The following RBFOX1 variants were observed in gnomAD, a reference collection of about 807,000 sequenced individuals.
The protein encoded by RBFOX1 is RNA binding fox-1 homolog 1, also known as RNA binding protein fox-1 homolog 1.
A neutral mutation model predicts 57.7 loss-of-function variants in RBFOX1; 8 were observed. The observed-to-expected ratio is 0.14, with a 90% CI of 0.08 to 0.25. The LOEUF is 0.25. Among genes scored for constraint, RBFOX1 ranks in the 10% least tolerant of loss-of-function variants. The pLI is 1.00. For synonymous variants in RBFOX1, 326 were observed against 222.4 expected, an observed-to-expected ratio of 1.47 and a Z score of -4.15; for missense variants, 611 against 548.5, an observed-to-expected ratio of 1.11 and a Z score of -1.14.
At chr16:6,169,796 C>G (rs2096944798) in intron 1 of RBFOX1, among the ~76,000 whole-genome samples, 2 of 151,984 alleles carry the variant, frequency 1.3e-5, no homozygotes, top group African/African-American at 4.8e-5. Flanking sequence ...GTGGAGTCTC[C>G]CTCTATCACC....
In RBFOX1 at chr16:5,917,194, C is replaced by T. The variant is rs1463554419; in HGVS notation, c.351+49859C>T. ...ATGCCAGGCTGTTTTTCACTCCCAG[C>T]GCCCGTGCTTTGAATCCACACCCCA... On this transcript the variant is annotated intron_variant, in intron 4 of 19. Transcript: ENST00000641259. Among the ~76,000 whole-genome samples, 13 of 152,272 alleles carry T rather than the reference C, an allele frequency of 8.5e-5. No homozygotes were observed. In the East Asian group the frequency reaches 1.4e-3, roughly 16 times the overall value.
chr16:5,359,029 T>C (rs951474363), intron 1 of RBFOX1, among the ~76,000 whole-genome samples: 4 of 152,214 alleles, frequency 2.6e-5, no homozygotes, highest in African/African-American at 7.2e-5. Context: ...ATTGTTTTGA[T>C]GTTTATATCC....
At chr16:6,344,403 TTTTC>T (rs1312058395) in intron 2 of RBFOX1, among the ~76,000 whole-genome samples, 1 of 104,472 alleles carries the variant, frequency 9.6e-6, no homozygotes, top group East Asian at 2.2e-4. Flanking sequence ...TTTTTCTTTT[TTTTC>T]TTTTTTTTTT....
chr16:6,788,882 G>T (rs1442945131), intron 3 of RBFOX1, among the ~76,000 whole-genome samples: 1 of 152,106 alleles, frequency 6.6e-6, no homozygotes, highest in Non-Finnish European at 1.5e-5. Flanking sequence ...CTGTCACTCT[G>T]TAGCTAACTC....
At chr16:5,645,779 C>T (rs958871687) in intron 3 of RBFOX1, among the ~76,000 whole-genome samples, 2 of 152,206 alleles carry the variant, frequency 1.3e-5, no homozygotes, top group African/African-American at 4.8e-5. Context: ...AATCCTTCTG[C>T]CTCAGCTTCT....
chr16:5,985,939 C>G (rs1008488871), intron 4 of RBFOX1, among the ~76,000 whole-genome samples: 3 of 152,122 alleles, frequency 2.0e-5, no homozygotes, highest in Non-Finnish European at 4.4e-5. Context: ...TTCATATGGA[C>G]TTAGGAATCC....
At position 5,467,697 on chromosome 16, in the gene RBFOX1, G is replaced by A. The variant is rs149315738; in HGVS notation, c.258+443G>A. Among the ~76,000 whole-genome samples, 425 of 152,246 alleles carry A rather than the reference G, an allele frequency of 2.8e-3. 4 individuals are homozygous for A. The highest frequency in any genetic ancestry group is 9.5e-3 in the African/African-American group (393 of 41,540). ...AAACAGATCTATACCTTAGGGCAAT[G>A]CATTTTTTAAAATCGATTTCAACTC... On this transcript the variant is annotated intron_variant, in intron 2 of 2. Coordinates refer to the RBFOX1 transcript ENST00000585867.
At chr16:7,097,372 T>G (rs568216694) in intron 4 of RBFOX1, among the ~76,000 whole-genome samples, 3 of 152,130 alleles carry the variant, frequency 2.0e-5, no homozygotes, top group East Asian at 1.9e-4. Flanking sequence ...CCTGGTAGAT[T>G]AGAGTTGCTT....
At chr16:6,996,386 C>G (rs1380671603) in intron 3 of RBFOX1, among the ~76,000 whole-genome samples, 1 of 152,006 alleles carries the variant, frequency 6.6e-6, no homozygotes, top group Non-Finnish European at 1.5e-5. Flanking sequence ...TGCATATAAA[C>G]ATGTATGTGT....
intron 2 of RBFOX1, among the ~76,000 whole-genome samples, chr16:6,529,445 G>A (rs1008488537): frequency 1.3e-5 from 2 of 151,920 alleles, no homozygotes; most frequent in Non-Finnish European, 2.9e-5. Flanking sequence ...TGTAATCCCG[G>A]CTACTTGGGA....
chr16:6,663,210 C>T (rs1260063159), intron 3 of RBFOX1, among the ~76,000 whole-genome samples: 1 of 152,158 alleles, frequency 6.6e-6, no homozygotes, highest in East Asian at 1.9e-4. Flanking sequence ...GTCCTATCCA[C>T]ATGACTTACT....
At chr16:6,590,417 T>TG (rs2097693909) in intron 2 of RBFOX1, among the ~76,000 whole-genome samples, 2 of 152,168 alleles carry the variant, frequency 1.3e-5, no homozygotes, top group Non-Finnish European at 2.9e-5. Flanking sequence ...CTAATTTTTT[T>TG]TGTGTGTGTA....
chr16:6,938,105 C>T (rs1000910078), intron 3 of RBFOX1, among the ~76,000 whole-genome samples: 3 of 151,878 alleles, frequency 2.0e-5, no homozygotes, highest in African/African-American at 7.3e-5. Flanking sequence ...CAATCACATA[C>T]CTTAAAAAAG....
intron 2 of RBFOX1, among the ~76,000 whole-genome samples, chr16:6,427,913 A>T (rs28437429): frequency 9.2e-5 from 14 of 151,922 alleles, no homozygotes; most frequent in African/African-American, 3.4e-4. Context: ...TCTCATCTGT[A>T]AAATGGAATA....
intron 4 of RBFOX1, among the ~76,000 whole-genome samples, chr16:7,387,772 C>G (rs578141350): frequency 4.3e-4 from 66 of 152,272 alleles, no homozygotes; most frequent in African/African-American, 1.5e-3. Context: ...ACAGCAAAGC[C>G]CCTCATCTTT....
chr16:7,047,716 C>CTTTTTTTTTTTTTTTTTTTTTTTTTT (rs55636828), intron 3 of RBFOX1, among the ~76,000 whole-genome samples: 4 of 47,912 alleles, frequency 8.3e-5, no homozygotes, highest in Non-Finnish European at 1.9e-4. Context: ...TCCTGCATTT[C>CTTTTTTTTTTTTTTTTTTTTTTTTTT]TTTTTTTTTT....
At chr16:5,285,629 C>G (rs1020117570) in intron 1 of RBFOX1, among the ~76,000 whole-genome samples, 1 of 152,178 alleles carries the variant, frequency 6.6e-6, no homozygotes, top group African/African-American at 2.4e-5. Flanking sequence ...TTTCTTATAG[C>G]TGTATCTACA....
intron 1 of RBFOX1, among the ~76,000 whole-genome samples, chr16:6,244,920 A>AGTTTTGTTTTGTTTT (rs55870313): frequency 4.7e-5 from 7 of 150,082 alleles, no homozygotes; most frequent in South Asian, 2.1e-4. Context: ...CTGAATACCC[A>AGTTTTGTTTTGTTTT]GTTTTGTTTT....
At chr16:7,011,918 C>T (rs1471177554) in intron 3 of RBFOX1, among the ~76,000 whole-genome samples, 1 of 152,210 alleles carries the variant, frequency 6.6e-6, no homozygotes, top group Non-Finnish European at 1.5e-5. Context: ...TCCACCCCAT[C>T]TTCTGCACAT....
Sources: gnomAD v4.1 joint callset for allele counts (sites outside exome capture counted in the v4.1 genomes callset) on GRCh38, gnomAD v4.1.1 for gene constraint, MANE v1.5 for transcripts, NCBI Gene and HGNC (gene_info 2026-07-23, HGNC 2026-07-21) for gene names.